Variants in NRXN1 observed in about 807,000 individuals in gnomAD.
NRXN1 encodes the protein neurexin-1.
NRXN1 carries 39 observed loss-of-function variants against 150.9 expected under a neutral mutation model. The ratio of observed to expected loss-of-function variants is 0.26; its 90% CI spans 0.20 to 0.34. The LOEUF is 0.34. Ranked by LOEUF, NRXN1 falls within the 10% of genes least tolerant of loss-of-function variation. The pLI is 1.00. For missense variants in NRXN1, 1,815 were observed against 1,949.9 expected, an observed-to-expected ratio of 0.93 and a Z score of 1.30; for synonymous variants, 924 against 757.0, an observed-to-expected ratio of 1.22 and a Z score of -3.62.
At chr2:50,857,139 A>G (rs1675387224) in intron 5 of NRXN1, among the ~76,000 whole-genome samples, 1 of 152,138 alleles carries the variant, frequency 6.6e-6, no homozygotes, top group Non-Finnish European at 1.5e-5. Context: ...TTTAATTACT[A>G]AGATGCTTTG....
At position 50,924,163 on chromosome 2, in the gene NRXN1, T is replaced by A. The variant is rs1343835377; in HGVS notation, c.791-1476A>T. 3.3e-5 allele frequency among the ~76,000 whole-genome samples: 5 copies of A among 151,796 alleles called. 1 individual carries two copies. The highest frequency in any genetic ancestry group is 3.3e-4 in the Admixed American group (5 of 15,214). On this transcript the variant is annotated intron_variant, in intron 3 of 22. Transcript: ENST00000401669. ...TTTTATGGACTAAATGAGGAAATTG[T>A]CTTGAAGATCTACCTTTTAGAAAAT...
intron 12 of NRXN1, 154 bp from the exon 13 acceptor site, chr2:50,506,771 G>GA: frequency 1.1e-5 from 8 of 755,666 alleles, no homozygotes; most frequent in Non-Finnish European, 1.6e-5. Flanking sequence ...GGAGAGAAAG[G>GA]AAACAGAGAA....
At chr2:50,507,366 A>G (rs2092279734) in intron 12 of NRXN1, among the ~76,000 whole-genome samples, 1 of 151,812 alleles carries the variant, frequency 6.6e-6, no homozygotes, top group African/African-American at 2.4e-5. Flanking sequence ...GGACCGAAGA[A>G]AAGGAAAGAA....
chr2:50,208,364 C>T (rs535831272), intron 18 of NRXN1, among the ~76,000 whole-genome samples: 2 of 152,196 alleles, frequency 1.3e-5, no homozygotes, highest in South Asian at 2.1e-4. Flanking sequence ...AATGCTGCTA[C>T]CCTTTTGTCA....
intron 5 of NRXN1, among the ~76,000 whole-genome samples, chr2:50,674,323 G>T (rs1314437464): frequency 6.6e-6 from 1 of 152,212 alleles, no homozygotes; most frequent in East Asian, 1.9e-4. Context: ...ACTCCAAGTA[G>T]TCTGGACATC....
At chr2:50,513,984 T>C (rs996578527) in intron 12 of NRXN1, among the ~76,000 whole-genome samples, 1 of 152,230 alleles carries the variant, frequency 6.6e-6, no homozygotes, top group African/African-American at 2.4e-5. Flanking sequence ...ATCTTTATGG[T>C]GTACCCTGCT....
chr2:50,191,980 T>G (rs1202885736), intron 18 of NRXN1, among the ~76,000 whole-genome samples: 1 of 152,136 alleles, frequency 6.6e-6, no homozygotes, highest in Non-Finnish European at 1.5e-5. Flanking sequence ...TCATATGCTA[T>G]ATAAAAATGT....
Position 50,393,165 on chromosome 2 carries a change from CA to C in NRXN1, c.3364+72276del, listed in dbSNP as rs201195938. ...TGTAATTTAAGGGCCCTCTCCATAC[CA>C]AAAAAAAAAATAATAATAAAACATA... On this transcript the variant is annotated intron_variant, in intron 17 of 22. Transcript: ENST00000401669. Among the ~76,000 whole-genome samples, 266 of 136,646 alleles carry C rather than the reference CA, an allele frequency of 1.9e-3. 1 individual carries two copies. The highest frequency in any genetic ancestry group is 3.5e-3 in the South Asian group (15 of 4,346). The allele number at this position is 136,646 out of a possible 152,430, so 89.6% of individuals were successfully genotyped here. A position where few individuals can be genotyped will look rare whatever the true frequency, so the allele number is the denominator to read the frequency against.
Position 50,393,279 on chromosome 2 carries a change from T to G in NRXN1, c.3364+72163A>C, listed in dbSNP as rs191621307. Among the ~76,000 whole-genome samples the G allele has an allele frequency of 3.9e-5, 6 of 152,258 alleles. No homozygotes were observed. The East Asian group carries it at 1.2e-3, about 29-fold the overall frequency. On this transcript the variant is annotated intron_variant, in intron 17 of 22. Transcript: ENST00000401669. ...ATTACGTCTGTTTTTCTTATCATAC[T>G]GCCATTTATTCTCAGAACTCAATCG...
rs368383953 is a variant in NRXN1, at chr2:50,438,877, T to C, written c.3364+26565A>G. Among the ~76,000 whole-genome samples the C allele has an allele frequency of 6.8e-4, 103 of 152,310 alleles. 1 individual carries two copies. The highest frequency in any genetic ancestry group is 2.4e-3 in the African/African-American group (100 of 41,572). The stretch of plus-strand genomic sequence containing the variant: ...TCTCCAAAATAGATCTTCTGGTGGC[T>C]TCTCCTATGACCACGATGCATTCTG... On this transcript the variant is annotated intron_variant, in intron 17 of 22. Transcript: ENST00000401669.
chr2:50,059,288 T>C (rs6735703), intron 19 of NRXN1, among the ~76,000 whole-genome samples: 3,144 of 152,304 alleles, frequency 0.021, 126 homozygotes, highest in African/African-American at 0.073. Context: ...CTGTGGAACA[T>C]TGAACTTGAG....
intron 18 of NRXN1, among the ~76,000 whole-genome samples, chr2:50,211,374 C>G (rs1265232421): frequency 6.6e-6 from 1 of 151,312 alleles, no homozygotes; most frequent in East Asian, 1.9e-4. Flanking sequence ...AATAAGAATC[C>G]AAAATAGTAC....
At chr2:50,823,047 A>G (rs1669957703) in intron 5 of NRXN1, among the ~76,000 whole-genome samples, 1 of 152,160 alleles carries the variant, frequency 6.6e-6, no homozygotes, top group Admixed American at 6.5e-5. Context: ...GTCAATAATC[A>G]ATGTGCACTT....
intron 5 of NRXN1, among the ~76,000 whole-genome samples, chr2:50,756,379 A>C (rs1010870428): frequency 6.6e-6 from 1 of 151,704 alleles, no homozygotes; most frequent in African/African-American, 2.4e-5. Flanking sequence ...CATTCAGTAC[A>C]TTAAACAGCA....
At chr2:50,962,055 T>C (rs1191570248) in intron 2 of NRXN1, among the ~76,000 whole-genome samples, 3 of 151,610 alleles carry the variant, frequency 2.0e-5, no homozygotes, top group Non-Finnish European at 3.0e-5. Flanking sequence ...CATTTTACCT[T>C]AAAATAACTT....
At chr2:50,820,623 C>T (rs1282936564) in intron 5 of NRXN1, among the ~76,000 whole-genome samples, 1 of 152,140 alleles carries the variant, frequency 6.6e-6, no homozygotes, top group East Asian at 1.9e-4. Flanking sequence ...TGCCTTTCAT[C>T]CTCGCTCTAC....
chr2:50,061,484 A>C (rs1008185566), intron 19 of NRXN1, among the ~76,000 whole-genome samples: 1 of 152,174 alleles, frequency 6.6e-6, no homozygotes, highest in African/African-American at 2.4e-5. Flanking sequence ...AATCAAAACA[A>C]AGTTGAATCT....
rs770780698 is a variant in NRXN1, at chr2:50,237,008, A to T, written c.3365-38T>A. Reference sequence around the variant, plus strand: ...AACCAAAACCAATTAGTCCAAATACATCAAGTCTGCACATTAGCAAGGCAT... The same window carrying T: ...AACCAAAACCAATTAGTCCAAATACTTCAAGTCTGCACATTAGCAAGGCAT... On this transcript the variant is annotated intron_variant, in intron 17 of 22. Transcript: ENST00000401669. 1.9e-6 allele frequency: 3 copies of T among 1,599,118 alleles called. No homozygotes were observed. In the African/African-American group the frequency reaches 4.0e-5, roughly 21 times the overall value.
chr2:50,590,633 G>A (rs961250024), intron 8 of NRXN1, among the ~76,000 whole-genome samples: 1 of 152,116 alleles, frequency 6.6e-6, no homozygotes, highest in Non-Finnish European at 1.5e-5. Context: ...TCATGAGGGT[G>A]AAGACTCATG....
Sources: allele counts gnomAD v4.1 joint callset (sites outside exome capture counted in the v4.1 genomes callset), GRCh38; gene constraint gnomAD v4.1.1; transcripts MANE v1.5; gene names NCBI Gene and HGNC (gene_info 2026-07-23, HGNC 2026-07-21).